Variants in NOTCH4 observed in about 807,000 individuals in gnomAD.
NOTCH4 encodes neurogenic locus notch homolog protein 4.
In NOTCH4, 138 loss-of-function variants were observed where a neutral mutation model predicts 189.0. The observed-to-expected ratio is 0.73, with a 90% CI of 0.64 to 0.84. The LOEUF is 0.84. Among genes scored for constraint, NOTCH4 ranks in the 40% least tolerant of loss-of-function variants. NOTCH4 has a pLI of 0.00. For synonymous variants in NOTCH4, 942 were observed against 1,032.8 expected (o/e 0.91, Z 1.69); for missense variants, 2,286 against 2,605.4 (o/e 0.88, Z 2.67).
At position 32,195,223 on chromosome 6, in the gene NOTCH4, G is replaced by T; in HGVS notation, c.*214C>A. 1.8e-6 allele frequency: 1 copy of T among 569,338 alleles called. No individual in the cohort carries two copies. Among genetic ancestry groups the T allele is most frequent in the Non-Finnish European group, 3.1e-6 (1 of 327,626 alleles). The allele number at this position is 569,338 out of a possible 1,614,324, so 35.3% of individuals were successfully genotyped here. A position where few individuals can be genotyped will look rare whatever the true frequency, so the allele number is the denominator to read the frequency against. Reference sequence around the variant, plus strand: ...TGTCTTATTTTCTGGAGGAGGACTGGGCCTGCCTCATCCTAGCATCTTAAA... The same window carrying T: ...TGTCTTATTTTCTGGAGGAGGACTGTGCCTGCCTCATCCTAGCATCTTAAA... On this transcript the variant is annotated 3_prime_UTR_variant, in exon 30 of 30. Transcript: ENST00000375023. This position sits in a 1 kb window ranked among gnomAD's most constrained non-coding sequence, Gnocchi z 5.4.
rs2127491438 is a variant in NOTCH4 at position 32,222,825 on chromosome 6, G to A, written c.156-19C>T. 6.2e-7 allele frequency: 1 copy of A among 1,606,528 alleles called. No individual in the cohort carries two copies. Among genetic ancestry groups the A allele is most frequent in the Non-Finnish European group, 8.5e-7 (1 of 1,177,658 alleles). On this transcript the variant is annotated intron_variant, in intron 2 of 29. Coordinates refer to ENST00000375023, the MANE Select transcript of NOTCH4 (RefSeq NM_004557.4). ...GGCACACCTGGGCAGGGGAGGAGAG[G>A]AAAACTCACATCACTGGTCCCTCTT...
At chr6:32,211,057 G>A (rs541466534) in intron 17 of NOTCH4, 121 bp from the exon 18 acceptor site, 47 of 897,370 alleles carry the variant, frequency 5.2e-5, no homozygotes, top group Non-Finnish European at 7.1e-5. Flanking sequence ...TTAGGAGTGT[G>A]AGACCAGCCT....
At position 32,198,773 on chromosome 6, in the gene NOTCH4, C is replaced by T; in HGVS notation, c.4536-43G>A. 1 of 1,556,906 alleles carries T rather than the reference C, an allele frequency of 6.4e-7. No individual in the cohort carries two copies. Among genetic ancestry groups the T allele is most frequent in the South Asian group, 1.2e-5 (1 of 82,260 alleles). On this transcript the variant is annotated intron_variant, in intron 24 of 29. Transcript: ENST00000375023. This position sits in a 1 kb window ranked among gnomAD's most constrained non-coding sequence, Gnocchi z 5.5. ...GGTAGAGGTTACACGGAATTATGAC[C>T]ATCAGGGTCTCCAAAATTTCCAGCA... is the stretch of plus-strand genomic sequence containing the variant.
At chr6:32,220,026 A>G (rs974676862) in intron 7 of NOTCH4, 103 bp downstream of exon 7, 142 of 1,359,008 alleles carry the variant, frequency 1.0e-4, no homozygotes, top group Non-Finnish European at 1.4e-4. Flanking sequence ...TCAAGGAAAA[A>G]GATGTTTGGT....
In NOTCH4 at chr6:32,197,028, C is replaced by T. The variant is rs562932036; in HGVS notation, c.5097G>A (p.Glu1699=). ...CCAGCATCAAGGGTGTGGTCCCGTC[C>T]TCTGTGCGAGCGTCCACTGCAGTTT... ...SRQTAVDART[E]DGTTPLMLAA... Residue 1699 remains glutamate, a synonymous_variant, in exon 28 of 30, where the codon GAG becomes GAA. Transcript: ENST00000375023. 4.3e-6 allele frequency: 7 copies of T among 1,612,956 alleles called. No homozygotes were observed. In the East Asian group the frequency reaches 1.6e-4, roughly 36 times the overall value.
Position 32,223,086 on chromosome 6 carries a change from C to G in NOTCH4, c.74G>C (p.Gly25Ala). Reference protein sequence around the residue: ...LLCVSVVRPRGLLCGSFPEPC... With the variant: ...LLCVSVVRPRALLCGSFPEPC... ...TTCTGGGAAACTCCCACACAGCAGC[C>G]CTGAGGGTGGAGAGGCAGGCGCAAT... The change falls in exon 2 of 30, where the codon GGG becomes GCG. Residue 25 changes from glycine to alanine, a missense_variant and splice_region_variant. This residue lies in a region of NOTCH4 where 1,903 missense variants were observed against 2,261.9 expected (regional missense o/e 0.84). Transcript: ENST00000375023. 1 of 1,613,618 alleles carries G rather than the reference C, an allele frequency of 6.2e-7. No homozygotes were observed. Among genetic ancestry groups the G allele is most frequent in the African/African-American group, 1.3e-5 (1 of 74,998 alleles).
At chr6:32,207,191 A>G (rs931861220) in intron 18 of NOTCH4, among the ~76,000 whole-genome samples, 2 of 150,890 alleles carry the variant, frequency 1.3e-5, no homozygotes, top group African/African-American at 4.8e-5. Flanking sequence ...GGTCTCCCAA[A>G]ATGCTGGGAT....
At position 32,205,503 on chromosome 6, in the gene NOTCH4, G is replaced by A. The variant is rs1251950129; in HGVS notation, c.2866-1114C>T. ...GCGGAGGTTGCAGTGAACCGAGATC[G>A]CGCCACTGTACTCTAGCCGGGGCAA... is the stretch of plus-strand genomic sequence containing the variant. On this transcript the variant is annotated intron_variant, in intron 18 of 29. Coordinates refer to ENST00000375023, the MANE Select transcript of NOTCH4 (RefSeq NM_004557.4). Among the ~76,000 whole-genome samples, 15 of 131,786 alleles carry A rather than the reference G, an allele frequency of 1.1e-4. No individual in the cohort carries two copies. The South Asian group carries it at 1.5e-3, about 13-fold the overall frequency. 86.5% of individuals were successfully genotyped at this position (131,786 alleles called of 152,430 possible).
chr6:32,199,011 G>T lies in NOTCH4; in HGVS notation c.4450C>A (p.Pro1484Thr). 1 of 1,612,394 alleles carries T rather than the reference G, an allele frequency of 6.2e-7. No individual in the cohort carries two copies. Residue 1484 changes from proline to threonine, a missense_variant, in exon 24 of 30, where the codon CCC (proline) becomes ACC (threonine). By Grantham distance (38) the Pro-to-Thr change is conservative. Around this residue, in one of 2 missense-constraint regions of NOTCH4, gnomAD observed 1,903 missense variants for 2,261.9 expected, o/e 0.84. Transcript: ENST00000375023. This position sits in a 1 kb window ranked among gnomAD's most constrained non-coding sequence, Gnocchi z 4.9. ...RRREHGALWL[P>T]PGFTRRPRTQ... is the part of the protein sequence containing the mutation. ...CGAGGCCGTCGAGTGAAACCAGGGGGCAGCCAGAGAGCTCCATGCTCTCGG... is the reference window on the plus strand; with the variant it reads ...CGAGGCCGTCGAGTGAAACCAGGGGTCAGCCAGAGAGCTCCATGCTCTCGG...
At chr6:32,207,282 T>C (rs1167004652) in intron 18 of NOTCH4, among the ~76,000 whole-genome samples, 2 of 151,722 alleles carry the variant, frequency 1.3e-5, no homozygotes, top group African/African-American at 2.4e-5. Context: ...GAAAGGACAC[T>C]CTCTTCAATA....
intron 26 of NOTCH4, among the ~76,000 whole-genome samples, chr6:32,197,868 C>T (rs1180406723): frequency 6.8e-6 from 1 of 146,780 alleles, no homozygotes; most frequent in East Asian, 2.0e-4. Flanking sequence ...GTCACCCAGG[C>T]TGGAGTGCAG....
At chr6:32,213,111 T>C in intron 15 of NOTCH4, 24 bp downstream of exon 15, 1 of 1,571,006 alleles carries the variant, frequency 6.4e-7, no homozygotes, top group Non-Finnish European at 8.8e-7. Context: ...TTCTCCCTTC[T>C]AGGGGTCTTT....
At chr6:32,213,906 T>A in intron 13 of NOTCH4, 66 bp from the exon 14 acceptor site, 16 of 1,565,728 alleles carry the variant, frequency 1.0e-5, no homozygotes, top group Non-Finnish European at 1.4e-5. Context: ...TCCTTCTCTT[T>A]CCTCTTCCTT....
chr6:32,219,048 A>G (rs934148665), intron 8 of NOTCH4, among the ~76,000 whole-genome samples: 1 of 152,136 alleles, frequency 6.6e-6, no homozygotes, highest in African/African-American at 2.4e-5. Flanking sequence ...CAACTCCTTG[A>G]TGTTGGCTCT....
chr6:32,216,768 C>T (rs973901387), intron 11 of NOTCH4, 177 bp downstream of exon 11: 1 of 804,610 alleles, frequency 1.2e-6, no homozygotes, highest in Non-Finnish European at 2.1e-6. Flanking sequence ...TACGGTAACC[C>T]CTGCCCTTGT....
chr6:32,221,243 G>A lies in NOTCH4; in HGVS notation c.534C>T (p.Ile178=). 6.2e-7 allele frequency: 1 copy of A among 1,613,100 alleles called. No homozygotes were observed. Residue 178 remains isoleucine, a synonymous_variant, in exon 4 of 30, where the codon ATC becomes ATT. Coordinates refer to ENST00000375023, the MANE Select transcript of NOTCH4 (RefSeq NM_004557.4). The surrounding 1 kb of genome is among the most constrained non-coding windows in gnomAD (Gnocchi z 4.3). ...GGVCLATYPQ[I]QCHCPPGFEG... ...CGAAGCCCGGTGGGCAGTGGCACTG[G>A]ATCTGGGGGTATGTGGCCAGACACA...
rs1348084112 is a variant in NOTCH4 at position 32,217,564 on chromosome 6, G to A, written c.1625-298C>T. 1.3e-5 allele frequency among the ~76,000 whole-genome samples: 2 copies of A among 152,298 alleles called. No individual in the cohort carries two copies. Among genetic ancestry groups the A allele is most frequent in the Admixed American group, 6.5e-5 (1 of 15,294 alleles). Reference sequence around the variant, plus strand: ...TGTTAAAAAGATTAAATGACATAACGCCTGAAAAGTACTCAGCCAAATGGC... The same window carrying A: ...TGTTAAAAAGATTAAATGACATAACACCTGAAAAGTACTCAGCCAAATGGC... On this transcript the variant is annotated intron_variant, in intron 9 of 29. Transcript: ENST00000375023. The surrounding 1 kb of genome is among the most constrained non-coding windows in gnomAD (Gnocchi z 4.2).
chr6:32,195,647 G>C lies in NOTCH4; in HGVS notation c.5802C>G (p.Tyr1934Ter), dbSNP rs753965323. The C allele has an allele frequency of 5.6e-6, 9 of 1,612,938 alleles. No homozygotes were observed. The highest frequency in any genetic ancestry group is 2.2e-5 in the South Asian group (2 of 91,072). Residue 1934 changes from tyrosine to a stop codon, truncating the protein, a stop_gained, in exon 30 of 30, where the codon TAC becomes TAG. Transcript: ENST00000375023. LOFTEE classifies it low-confidence loss of function (END_TRUNC). This position sits in a 1 kb window ranked among gnomAD's most constrained non-coding sequence, Gnocchi z 5.4. The part of the protein sequence containing the change: ...RPNPAIMRGR[Y>*]GVAAGRGGRV... Reference sequence around the variant, plus strand: ...TGCCTCCGCGCCCGGCAGCCACTCCGTATCTTCCTCGCATTATCGCAGGGT... The same window carrying C: ...TGCCTCCGCGCCCGGCAGCCACTCCCTATCTTCCTCGCATTATCGCAGGGT...
In NOTCH4 at chr6:32,223,966, C is replaced by T. The variant is rs1192736825; in HGVS notation, c.-38G>A. On this transcript the variant is annotated 5_prime_UTR_variant, in exon 1 of 30. Coordinates refer to ENST00000375023, the MANE Select transcript of NOTCH4 (RefSeq NM_004557.4). Reference sequence around the variant, plus strand: ...TCTCCAAGCCCCGGTCCCTGTCCCTCTTCAGGCAGGGACCCTCAGAGCTCT... The same window carrying T: ...TCTCCAAGCCCCGGTCCCTGTCCCTTTTCAGGCAGGGACCCTCAGAGCTCT... 8.9e-6 allele frequency: 14 copies of T among 1,567,002 alleles called. 1 individual carries two copies. The highest frequency in any genetic ancestry group is 1.1e-5 in the South Asian group (1 of 87,116).
Sources: allele counts gnomAD v4.1 joint callset (sites outside exome capture counted in the v4.1 genomes callset), GRCh38; gene constraint gnomAD v4.1.1; regional missense constraint gnomAD v4.1.1; non-coding constraint Gnocchi (gnomAD v3.1); transcripts MANE v1.5; gene names NCBI Gene and HGNC (gene_info 2026-07-23, HGNC 2026-07-21).